ADGRL2: variants seen among roughly 807,000 people sequenced by gnomAD.
ADGRL2 encodes the protein calcium-independent alpha-latrotoxin receptor 2.
ADGRL2 carries 44 observed loss-of-function variants against 157.4 expected under a neutral mutation model. The ratio of observed to expected loss-of-function variants is 0.28; its 90% CI spans 0.22 to 0.36. The LOEUF (loss-of-function observed/expected upper bound fraction) is 0.36, where lower values mean the gene tolerates loss of function less well. ADGRL2 is among the 10% of genes least tolerant of loss of function. The probability of loss-of-function intolerance (pLI) is 1.00; values close to 1 mark genes in which losing one functional copy is unlikely to be tolerated. For synonymous variants in ADGRL2, 585 were observed against 624.7 expected (o/e 0.94, Z 0.95); for missense variants, 1,510 against 1,768.9 (o/e 0.85, Z 2.63).
At chr1:81,321,074 C>T (rs527643762) in intron 1 of ADGRL2, among the ~76,000 whole-genome samples, 37 of 152,334 alleles carry the variant, frequency 2.4e-4, no homozygotes, top group African/African-American at 8.4e-4. Context: ...GTAGCTTCTA[C>T]ATCAGCACTT....
intron 1 of ADGRL2, among the ~76,000 whole-genome samples, chr1:81,338,500 G>C (rs770142560): frequency 9.9e-5 from 15 of 152,124 alleles, no homozygotes; most frequent in Non-Finnish European, 1.5e-4. Flanking sequence ...TGATTACATG[G>C]TGTCTAACTT....
intron 2 of ADGRL2, among the ~76,000 whole-genome samples, chr1:81,770,426 G>T (rs1244192679): frequency 1.3e-5 from 2 of 152,104 alleles, no homozygotes; most frequent in South Asian, 2.1e-4. Context: ...CTCTCAAAGT[G>T]CTGGGATTAC....
intron 2 of ADGRL2, among the ~76,000 whole-genome samples, chr1:81,559,037 T>A (rs1006354448): frequency 6.6e-6 from 1 of 152,188 alleles, no homozygotes; most frequent in Admixed American, 6.5e-5. Flanking sequence ...CTCTTATTCC[T>A]ATAATCTTCA....
At chr1:81,706,637 A>G (rs1334145192) in intron 1 of ADGRL2, among the ~76,000 whole-genome samples, 1 of 152,168 alleles carries the variant, frequency 6.6e-6, no homozygotes, top group Non-Finnish European at 1.5e-5. Context: ...GGGCTAAGGA[A>G]CAAACTTTTA....
chr1:81,797,795 A>C (rs2087665620), upstream of ADGRL2, among the ~76,000 whole-genome samples: 2 of 152,186 alleles, frequency 1.3e-5, no homozygotes, highest in African/African-American at 4.8e-5. Context: ...TAAAATTAAA[A>C]ACATGAGTTT....
intron 1 of ADGRL2, among the ~76,000 whole-genome samples, chr1:81,808,805 A>G (rs1360401591): frequency 6.6e-6 from 1 of 152,026 alleles, no homozygotes; most frequent in African/African-American, 2.4e-5. Context: ...ATAGCTGGGC[A>G]CCTGTTTTAT....
chr1:81,850,567 A>G (rs2092967118), intron 2 of ADGRL2, among the ~76,000 whole-genome samples: 1 of 151,904 alleles, frequency 6.6e-6, no homozygotes, highest in African/African-American at 2.4e-5. Context: ...TCTTGAAAAC[A>G]ATGTCAATAA....
intron 3 of ADGRL2, among the ~76,000 whole-genome samples, chr1:81,646,900 G>A (rs1444203417): frequency 2.0e-5 from 3 of 152,146 alleles, no homozygotes; most frequent in Admixed American, 6.6e-5. Context: ...AGATTAAAAT[G>A]TTATGCCTTA....
chr1:81,887,187 C>T (rs2094146574), intron 2 of ADGRL2, among the ~76,000 whole-genome samples: 2 of 152,160 alleles, frequency 1.3e-5, no homozygotes, highest in African/African-American at 4.8e-5. Context: ...AAATTTCTTA[C>T]TGAACCAATT....
intron 2 of ADGRL2, among the ~76,000 whole-genome samples, chr1:81,465,337 A>T (rs1465426228): frequency 6.6e-6 from 1 of 152,224 alleles, no homozygotes; most frequent in Non-Finnish European, 1.5e-5. Context: ...ATTAGATATC[A>T]GAAATTAATT....
At position 81,425,703 on chromosome 1, in the gene ADGRL2, G is replaced by A. The variant is rs116498885; in HGVS notation, c.-301-19333G>A. On this transcript the variant is annotated intron_variant, in intron 1 of 24. Coordinates refer to the ADGRL2 transcript ENST00000370721. ...AAATATAAATCCTTACTTTTTTGCC[G>A]GCTTTTGTCAATTGCTTCAAGATCT... Among the ~76,000 whole-genome samples the A allele has an allele frequency of 1.4e-3, 215 of 152,072 alleles. 2 individuals carry two copies. In the South Asian group the frequency reaches 0.02, roughly 14 times the overall value.
chr1:81,377,541 C>G (rs76615660), intron 1 of ADGRL2, among the ~76,000 whole-genome samples: 5,767 of 152,136 alleles, frequency 0.038, 232 homozygotes, highest in East Asian at 0.19. Flanking sequence ...GTTATCCCAG[C>G]AGCAACGTAG....
At chr1:81,934,810 AC>A (rs111574827) in intron 3 of ADGRL2, among the ~76,000 whole-genome samples, 9,999 of 152,074 alleles carry the variant, frequency 0.066, 334 homozygotes, top group East Asian at 0.093. Context: ...TATCTAACAC[AC>A]AGTTGTTTAT....
chr1:81,818,476 C>G (rs1256423276), intron 1 of ADGRL2, among the ~76,000 whole-genome samples: 1 of 152,056 alleles, frequency 6.6e-6, no homozygotes, highest in African/African-American at 2.4e-5. Flanking sequence ...CCAAAATTAC[C>G]AGACCAAAAA....
At chr1:81,555,354 T>C (rs961073222) in intron 2 of ADGRL2, among the ~76,000 whole-genome samples, 4 of 150,330 alleles carry the variant, frequency 2.7e-5, no homozygotes, top group Non-Finnish European at 5.9e-5. Flanking sequence ...CTGCAACCTC[T>C]GTCTCCTGGG....
intron 2 of ADGRL2, among the ~76,000 whole-genome samples, chr1:81,869,294 A>ATT (rs2093631098): frequency 6.6e-6 from 1 of 152,214 alleles, no homozygotes; most frequent in South Asian, 2.1e-4. Context: ...ACTGTCGAGA[A>ATT]TATAAAAATT....
At chr1:81,485,997 T>C (rs965104711) in intron 2 of ADGRL2, among the ~76,000 whole-genome samples, 1 of 152,214 alleles carries the variant, frequency 6.6e-6, no homozygotes, top group Non-Finnish European at 1.5e-5. Context: ...TTCAAAAGTT[T>C]TTTTTATTAC....
chr1:81,842,955 G>A (rs1350141088), intron 2 of ADGRL2, among the ~76,000 whole-genome samples: 2 of 152,062 alleles, frequency 1.3e-5, no homozygotes, highest in Non-Finnish European at 1.5e-5. Context: ...AAGTCTAGGA[G>A]GTAAATTTTT....
chr1:81,645,831 G>A (rs947766852), intron 3 of ADGRL2, among the ~76,000 whole-genome samples: 7 of 152,028 alleles, frequency 4.6e-5, no homozygotes, highest in South Asian at 2.1e-4. Flanking sequence ...ACATCTTAGC[G>A]TGTATCTCTT....
Sources: allele counts gnomAD v4.1 joint callset (sites outside exome capture counted in the v4.1 genomes callset), GRCh38; gene constraint gnomAD v4.1.1; transcripts MANE v1.5; gene names NCBI Gene and HGNC (gene_info 2026-07-23, HGNC 2026-07-21).